CSMD1: variants seen among roughly 807,000 people sequenced by gnomAD.
The protein encoded by CSMD1 is CUB and sushi domain-containing protein 1.
Under a neutral mutation model 417.5 loss-of-function variants are expected in CSMD1, and 213 were observed. The observed-to-expected ratio is 0.51, with a 90% CI of 0.46 to 0.57. The LOEUF (loss-of-function observed/expected upper bound fraction) is 0.57, where lower values mean the gene tolerates loss of function less well. Ranked by LOEUF, CSMD1 falls within the 20% of genes least tolerant of loss-of-function variation. The pLI, the probability that CSMD1 is intolerant of heterozygous loss-of-function variation, is 0.00. For synonymous variants in CSMD1, 2,862 were observed against 1,736.8 expected (o/e 1.65, Z -16.11); for missense variants, 6,923 against 4,529.7 (o/e 1.53, Z -15.17).
chr8:3,540,728 T>C lies in CSMD1; in HGVS notation c.1344+34217A>G, dbSNP rs190726899. Among the ~76,000 whole-genome samples the C allele has an allele frequency of 1.6e-3, 237 of 152,082 alleles. 2 individuals carry two copies. The highest frequency in any genetic ancestry group is 2.1e-3 in the Non-Finnish European group (144 of 67,992). ...CCCATTAAAAAGTGAGCAAAAGACA[T>C]GAACAGACACTTCTCAAAAGAAGAC... On this transcript the variant is annotated intron_variant, in intron 10 of 69. Transcript: ENST00000635120.
intron 12 of CSMD1, among the ~76,000 whole-genome samples, chr8:3,442,640 A>C (rs1239312620): frequency 6.6e-6 from 1 of 152,062 alleles, no homozygotes; most frequent in Non-Finnish European, 1.5e-5. Flanking sequence ...AGTGCACTCC[A>C]CGATGTTTGC....
At chr8:3,804,419 G>C (rs548244221) in intron 5 of CSMD1, among the ~76,000 whole-genome samples, 159 of 152,196 alleles carry the variant, frequency 1.0e-3, no homozygotes, top group South Asian at 9.5e-3. Flanking sequence ...TTTTGTTCCA[G>C]AAAATGAAAA....
chr8:2,956,121 C>T (rs1012224107), intron 63 of CSMD1, among the ~76,000 whole-genome samples: 7 of 151,952 alleles, frequency 4.6e-5, no homozygotes, highest in East Asian at 3.9e-4. Context: ...TGCTATACTA[C>T]CGAAATAAAT....
At position 4,970,517 on chromosome 8, in the gene CSMD1, A is replaced by C. The variant is rs117082314; in HGVS notation, c.85+23815T>G. Among the ~76,000 whole-genome samples, 71 of 152,224 alleles carry C rather than the reference A, an allele frequency of 4.7e-4. 1 individual carries two copies. In the East Asian group the frequency reaches 0.013, roughly 28 times the overall value. ...TCTCATGGAATAGAGGTTTCTTCTT[A>C]AACTATATGATATATTATGGTAACT... On this transcript the variant is annotated intron_variant, in intron 1 of 69. Coordinates refer to ENST00000635120, the MANE Select transcript of CSMD1 (RefSeq NM_033225.6).
At chr8:4,437,150 G>A (rs1360766543) in intron 2 of CSMD1, among the ~76,000 whole-genome samples, 2 of 152,106 alleles carry the variant, frequency 1.3e-5, no homozygotes, top group Non-Finnish European at 2.9e-5. Flanking sequence ...TTTTAGAAAT[G>A]GCAAATCCAA....
chr8:4,049,394 A>C (rs143961090), intron 3 of CSMD1, among the ~76,000 whole-genome samples: 2 of 151,696 alleles, frequency 1.3e-5, no homozygotes, highest in African/African-American at 4.9e-5. Flanking sequence ...GACATTGCCA[A>C]ACGTCATCTG....
intron 26 of CSMD1, among the ~76,000 whole-genome samples, chr8:3,261,257 G>A (rs7819937): frequency 0.35 from 53,215 of 152,002 alleles, 10,013 homozygotes; most frequent in Non-Finnish European, 0.42. Context: ...TCACGTACGC[G>A]TTGCTGGTGA....
intron 3 of CSMD1, among the ~76,000 whole-genome samples, chr8:4,192,863 C>A (rs768129327): frequency 1.3e-5 from 2 of 152,176 alleles, no homozygotes; most frequent in African/African-American, 4.8e-5. Context: ...TTCCTGTATT[C>A]TGTCCTTCTA....
At chr8:2,964,411 G>A (rs989477630) in intron 59 of CSMD1, among the ~76,000 whole-genome samples, 14 of 152,182 alleles carry the variant, frequency 9.2e-5, no homozygotes, top group Non-Finnish European at 7.3e-5. Context: ...AATGTCCAGG[G>A]GGAGGCCCCA....
At chr8:4,546,769 T>C (rs1385888098) in intron 2 of CSMD1, among the ~76,000 whole-genome samples, 3 of 152,112 alleles carry the variant, frequency 2.0e-5, no homozygotes, top group South Asian at 2.1e-4. Flanking sequence ...ATATAAATTA[T>C]ACATGCTACA....
intron 12 of CSMD1, among the ~76,000 whole-genome samples, chr8:3,425,785 C>A (rs1271910456): frequency 2.0e-5 from 3 of 151,930 alleles, no homozygotes; most frequent in Non-Finnish European, 4.4e-5. Flanking sequence ...GCAAATTTAA[C>A]CAAGGTAAAT....
chr8:3,706,425 T>A (rs1299920648), intron 7 of CSMD1, among the ~76,000 whole-genome samples: 1 of 152,214 alleles, frequency 6.6e-6, no homozygotes, highest in African/African-American at 2.4e-5. Context: ...ATTGATTACC[T>A]TCCTCATCTT....
At chr8:3,234,785 G>A (rs1178577001) in intron 26 of CSMD1, among the ~76,000 whole-genome samples, 1 of 152,176 alleles carries the variant, frequency 6.6e-6, no homozygotes, top group Non-Finnish European at 1.5e-5. Flanking sequence ...ACAATCACCA[G>A]AATCACAAGG....
chr8:4,000,711 G>A (rs991592452), intron 4 of CSMD1, among the ~76,000 whole-genome samples: 2 of 151,888 alleles, frequency 1.3e-5, no homozygotes, highest in Non-Finnish European at 2.9e-5. Context: ...AATATTTCCA[G>A]AGTAATAATT....
intron 7 of CSMD1, among the ~76,000 whole-genome samples, chr8:3,694,833 G>C (rs1800458156): frequency 6.6e-6 from 1 of 151,960 alleles, no homozygotes; most frequent in Non-Finnish European, 1.5e-5. Flanking sequence ...CAAGGAATGA[G>C]CCAGGACATG....
At chr8:3,813,308 G>C (rs1278093683) in intron 5 of CSMD1, among the ~76,000 whole-genome samples, 1 of 151,980 alleles carries the variant, frequency 6.6e-6, no homozygotes, top group African/African-American at 2.4e-5. Flanking sequence ...TTTAATATCT[G>C]CTAAGATATC....
chr8:3,827,893 C>A (rs912040467), intron 5 of CSMD1, among the ~76,000 whole-genome samples: 1 of 152,162 alleles, frequency 6.6e-6, no homozygotes, highest in Non-Finnish European at 1.5e-5. Context: ...CCCATGGGCT[C>A]ACTCAAAGGA....
intron 48 of CSMD1, among the ~76,000 whole-genome samples, chr8:3,090,664 C>T (rs1256069988): frequency 6.6e-6 from 1 of 152,224 alleles, no homozygotes; most frequent in Non-Finnish European, 1.5e-5. Flanking sequence ...AATCCTCCGT[C>T]AGCACATATT....
At chr8:3,119,601 A>G (rs139360408) in intron 41 of CSMD1, among the ~76,000 whole-genome samples, 22 of 152,272 alleles carry the variant, frequency 1.4e-4, no homozygotes, top group African/African-American at 4.6e-4. Flanking sequence ...TAATCCATAA[A>G]TCAGGTATCA....
Sources: gnomAD v4.1 joint callset for allele counts (sites outside exome capture counted in the v4.1 genomes callset) on GRCh38, gnomAD v4.1.1 for gene constraint, MANE v1.5 for transcripts, NCBI Gene and HGNC (gene_info 2026-07-23, HGNC 2026-07-21) for gene names.